Variants in FBLN1 observed in about 807,000 individuals in gnomAD.
The protein encoded by FBLN1 is fibulin 1, also known as fibulin-1.
In FBLN1, 34 loss-of-function variants were observed where a neutral mutation model predicts 89.7. The observed-to-expected ratio is 0.38, with a 90% CI of 0.29 to 0.50. The LOEUF (loss-of-function observed/expected upper bound fraction) is 0.50, where lower values mean the gene tolerates loss of function less well. Among genes scored for constraint, FBLN1 ranks in the 20% least tolerant of loss-of-function variants. FBLN1 has a pLI of 0.92. For synonymous variants in FBLN1, 393 were observed against 391.3 expected, an observed-to-expected ratio of 1.00 and a Z score of -0.05; for missense variants, 777 against 988.1, an observed-to-expected ratio of 0.79 and a Z score of 2.86.
rs1460920239 is a variant in FBLN1, at chr22:45,577,432, A to C, written c.1972+324A>C. ...ACAACCATGAATTTCAAATGATACC[A>C]CCCAAGTAAAGTGCTTGTCCTGAGG... On this transcript the variant is annotated intron_variant, in intron 16 of 16. Transcript: ENST00000327858. This position sits in a 1 kb window ranked among gnomAD's most constrained non-coding sequence, Gnocchi z 6.6. Among the ~76,000 whole-genome samples the C allele has an allele frequency of 6.6e-6, 1 of 151,846 alleles. No individual in the cohort carries two copies. Among genetic ancestry groups the C allele is most frequent in the Non-Finnish European group, 1.5e-5 (1 of 67,972 alleles).
chr22:45,553,814 C>T (rs942964953), intron 14 of FBLN1, among the ~76,000 whole-genome samples: 2 of 152,116 alleles, frequency 1.3e-5, no homozygotes, highest in Non-Finnish European at 2.9e-5. Flanking sequence ...CACCAGAACA[C>T]CACGCACACC....
rs1038159106 is a variant in FBLN1 at position 45,556,796 on chromosome 22, G to A, written c.1697+6181G>A. ...AATCCTTGTTCTGTCTCCTGGTGGC[G>A]GCGTTCCTCCCTCTGGAACTAAGAC... On this transcript the variant is annotated intron_variant, in intron 14 of 16. Transcript: ENST00000327858. This position sits in a 1 kb window ranked among gnomAD's most constrained non-coding sequence, Gnocchi z 4.6. Among the ~76,000 whole-genome samples, 10 of 152,038 alleles carry A rather than the reference G, an allele frequency of 6.6e-5. No individual in the cohort carries two copies. Among genetic ancestry groups the A allele is most frequent in the Admixed American group, 2.0e-4 (3 of 15,270 alleles).
At chr22:45,511,034 A>G (rs560704123) in intron 1 of FBLN1, among the ~76,000 whole-genome samples, 69 of 152,276 alleles carry the variant, frequency 4.5e-4, no homozygotes, top group African/African-American at 1.6e-3. Flanking sequence ...TTTGAAAAAG[A>G]ATGTTCTCCC....
Position 45,577,305 on chromosome 22 carries a change from T to A in FBLN1, c.1972+197T>A, listed in dbSNP as rs2089006341. Among the ~76,000 whole-genome samples the A allele has an allele frequency of 6.6e-6, 1 of 152,118 alleles. No individual in the cohort carries two copies. Among genetic ancestry groups the A allele is most frequent in the African/African-American group, 2.4e-5 (1 of 41,432 alleles). On this transcript the variant is annotated intron_variant, in intron 16 of 16. Coordinates refer to ENST00000327858, the MANE Select transcript of FBLN1 (RefSeq NM_006486.3). The surrounding 1 kb of genome is among the most constrained non-coding windows in gnomAD (Gnocchi z 6.6). ...AACAGCCAGAGTGGGGGATCCTGCC[T>A]GGGATCTGACCCTAGCTGTGCCACC...
chr22:45,522,499 G>A (rs2088264615), intron 2 of FBLN1, among the ~76,000 whole-genome samples: 1 of 152,206 alleles, frequency 6.6e-6, no homozygotes, highest in African/African-American at 2.4e-5. Flanking sequence ...GGGGGTATCA[G>A]CTCCCTGAGT....
At chr22:45,540,669 T>C (rs1424611567) in intron 8 of FBLN1, among the ~76,000 whole-genome samples, 1 of 152,236 alleles carries the variant, frequency 6.6e-6, no homozygotes, top group Non-Finnish European at 1.5e-5. Flanking sequence ...TCCTGGACCA[T>C]TCATGGGTTC....
intron 8 of FBLN1, among the ~76,000 whole-genome samples, chr22:45,538,198 C>A (rs554062558): frequency 1.3e-5 from 2 of 152,366 alleles, no homozygotes; most frequent in South Asian, 4.1e-4. Context: ...ATGTTCAGCT[C>A]CCTCAGGGTC....
At chr22:45,548,585 G>A in intron 12 of FBLN1, 28 bp from the exon 13 acceptor site, 1 of 1,613,166 alleles carries the variant, frequency 6.2e-7, no homozygotes. Flanking sequence ...CCAGGACACT[G>A]AGGCTGAGGT....
At chr22:45,586,891 G>C (rs1303326392) in intron 16 of FBLN1, among the ~76,000 whole-genome samples, 1 of 152,142 alleles carries the variant, frequency 6.6e-6, no homozygotes, top group Non-Finnish European at 1.5e-5. Flanking sequence ...CACAGCACCG[G>C]GAGCCAGCAG....
chr22:45,541,957 C>T lies in FBLN1; in HGVS notation c.1067-198C>T, dbSNP rs545815241. Among the ~76,000 whole-genome samples, 18 of 152,334 alleles carry T rather than the reference C, an allele frequency of 1.2e-4. 1 individual carries two copies. In the South Asian group the frequency reaches 3.7e-3, roughly 32 times the overall value. The stretch of plus-strand genomic sequence containing the variant: ...ATGAGAGTCATTGCTGGCCTGCCAG[C>T]CAGGTAGGGCTGCCTCTGGGTCAGC... On this transcript the variant is annotated intron_variant, in intron 9 of 16. Coordinates refer to ENST00000327858, the MANE Select transcript of FBLN1 (RefSeq NM_006486.3).
chr22:45,542,939 T>G (rs1437496312), intron 10 of FBLN1, among the ~76,000 whole-genome samples: 1 of 152,204 alleles, frequency 6.6e-6, no homozygotes, highest in Admixed American at 6.5e-5. Flanking sequence ...TCCCGCATGC[T>G]CGGGACAAGT....
Position 45,600,956 on chromosome 22 carries a change from T to A in FBLN1, c.*510T>A, listed in dbSNP as rs3191423. ...CATGACAGAATGCCTCGGGGAGCAC[T>A]TGGAAGGGAAATTGCAGTTCTGTTG... On this transcript the variant is annotated 3_prime_UTR_variant, in exon 17 of 17. Transcript: ENST00000327858. 0.023 allele frequency: 4,179 copies of A among 184,178 alleles called. 75 individuals carry two copies. Among genetic ancestry groups the A allele is most frequent in the Non-Finnish European group, 0.034 (2,928 of 87,324 alleles). 11.4% of individuals were successfully genotyped at this position (184,178 alleles called of 1,614,324 possible).
chr22:45,555,081 T>A (rs1464548364), intron 14 of FBLN1, among the ~76,000 whole-genome samples: 1 of 146,806 alleles, frequency 6.8e-6, no homozygotes, highest in African/African-American at 2.5e-5. Context: ...TTAGGACCCG[T>A]CCCCGTCTCC....
rs60899988 is a variant in FBLN1, at chr22:45,600,229, C to T, written c.1973-78C>T. 4.7e-3 allele frequency: 7,352 copies of T among 1,580,044 alleles called. 241 individuals are homozygous for T. The African/African-American group carries it at 0.078, about 17-fold the overall frequency. On this transcript the variant is annotated intron_variant, in intron 16 of 16. Transcript: ENST00000327858. ...GCCTCCTTCTAGCTCTGAAACTCCT[C>T]AAGGGAAACCATTTCCCAGATCTCT...
Position 45,600,855 on chromosome 22 carries a change from C to A in FBLN1, c.*409C>A. The A allele has an allele frequency of 3.3e-6, 1 of 307,510 alleles. No homozygotes were observed. The highest frequency in any genetic ancestry group is 4.8e-5 in the Admixed American group (1 of 20,632). The allele number at this position is 307,510 out of a possible 1,614,324, so 19.0% of individuals were successfully genotyped here. A position where few individuals can be genotyped will look rare whatever the true frequency, so the allele number is the denominator to read the frequency against. On this transcript the variant is annotated 3_prime_UTR_variant, in exon 17 of 17. Transcript: ENST00000327858. ...CACTTTTTTTTTTTTTTTGGCCAAT[C>A]AGATTTTCTATGTTCTAAGGACATG...
chr22:45,517,419 TC>T (rs1463555623), intron 1 of FBLN1: 10 of 386,370 alleles, frequency 2.6e-5, no homozygotes, highest in Non-Finnish European at 5.2e-6. Context: ...TCTTCTCCCT[TC>T]CGTGAGCTGA....
chr22:45,545,607 C>T lies in FBLN1; in HGVS notation c.1322-1478C>T, dbSNP rs374442691. On this transcript the variant is annotated intron_variant, in intron 11 of 16. Coordinates refer to ENST00000327858, the MANE Select transcript of FBLN1 (RefSeq NM_006486.3). The surrounding 1 kb of genome is among the most constrained non-coding windows in gnomAD (Gnocchi z 5.9). ...CTAACCATTTGTTAGGGTCCTGCCC[C>T]GGGTGTGTAGCAAGAACTCGGTCCT... 4.6e-5 allele frequency among the ~76,000 whole-genome samples: 7 copies of T among 152,082 alleles called. No homozygotes were observed. The highest frequency in any genetic ancestry group is 1.3e-4 in the Admixed American group (2 of 15,280).
In FBLN1 at chr22:45,531,371, A is replaced by G. The variant is rs2088405156; in HGVS notation, c.544+47A>G. On this transcript the variant is annotated intron_variant, in intron 5 of 16. Transcript: ENST00000327858. This position sits in a 1 kb window ranked among gnomAD's most constrained non-coding sequence, Gnocchi z 4.9. The stretch of plus-strand genomic sequence containing the variant: ...TCAGTTGGTATTTAAACAAACCCCA[A>G]GGGGCCAGCAAGGTGGCTCAGGCCT... 1.3e-6 allele frequency: 2 copies of G among 1,555,254 alleles called. No homozygotes were observed. Among genetic ancestry groups the G allele is most frequent in the Non-Finnish European group, 1.8e-6 (2 of 1,126,944 alleles).
At chr22:45,544,004 A>G (rs2088593235) in intron 11 of FBLN1, among the ~76,000 whole-genome samples, 1 of 152,122 alleles carries the variant, frequency 6.6e-6, no homozygotes. Flanking sequence ...ACCCAAACAA[A>G]AGGAGGGAGG....
Sources: allele counts gnomAD v4.1 joint callset (sites outside exome capture counted in the v4.1 genomes callset), GRCh38; gene constraint gnomAD v4.1.1; non-coding constraint Gnocchi (gnomAD v3.1); transcripts MANE v1.5; gene names NCBI Gene and HGNC (gene_info 2026-07-23, HGNC 2026-07-21).